TRIQK: variants seen among roughly 807,000 people sequenced by gnomAD.
The protein encoded by TRIQK is triple QxxK/R motif-containing protein.
TRIQK carries 10 observed loss-of-function variants against 10.8 expected under a neutral mutation model. The ratio of observed to expected loss-of-function variants is 0.92; its 90% CI spans 0.57 to 1.57. TRIQK has a LOEUF of 1.57. TRIQK is among the 40% of genes most tolerant of loss of function. TRIQK has a pLI of 0.00. For missense variants in TRIQK, 107 were observed against 97.7 expected (o/e 1.09, Z -0.40); for synonymous variants, 33 against 33.7 (o/e 0.98, Z 0.07).
At chr8:93,012,919 G>A (rs534725090) in intron 1 of TRIQK, among the ~76,000 whole-genome samples, 2 of 152,298 alleles carry the variant, frequency 1.3e-5, no homozygotes, top group Admixed American at 1.3e-4. Flanking sequence ...AAGGGCTGGG[G>A]CTCAGTGGTC....
chr8:92,999,220 A>C (rs1265156692), intron 1 of TRIQK, among the ~76,000 whole-genome samples: 2 of 152,172 alleles, frequency 1.3e-5, no homozygotes, highest in Non-Finnish European at 2.9e-5. Context: ...ATTGCTGTTT[A>C]TTAAACCTAT....
At chr8:92,965,287 T>G (rs1268858200) in intron 1 of TRIQK, 1 of 152,174 alleles carries the variant, frequency 6.6e-6, no homozygotes, top group Non-Finnish European at 1.5e-5. Context: ...AGAAGAAACC[T>G]AATCTCCAAT....
intron 3 of TRIQK, among the ~76,000 whole-genome samples, chr8:92,892,761 A>G (rs1816828857): frequency 6.6e-6 from 1 of 151,932 alleles, no homozygotes; most frequent in African/African-American, 2.4e-5. Context: ...AGTGCCACAA[A>G]ATTTCCTTTG....
chr8:92,895,995 G>A (rs988973856), intron 3 of TRIQK, among the ~76,000 whole-genome samples: 2 of 152,146 alleles, frequency 1.3e-5, no homozygotes, highest in African/African-American at 4.8e-5. Flanking sequence ...AGATTACTAG[G>A]GAGAGAAGGG....
At chr8:93,010,695 A>G (rs1273199027) in intron 1 of TRIQK, among the ~76,000 whole-genome samples, 1 of 152,154 alleles carries the variant, frequency 6.6e-6, no homozygotes, top group African/African-American at 2.4e-5. Flanking sequence ...ATATACAGAA[A>G]TTTATGAGTA....
At chr8:92,955,810 C>T (rs1165473205) in intron 1 of TRIQK, among the ~76,000 whole-genome samples, 3 of 151,658 alleles carry the variant, frequency 2.0e-5, no homozygotes, top group Non-Finnish European at 4.4e-5. Context: ...CCAAAAAGCA[C>T]ATGAAAAGAT....
At chr8:92,966,329 G>C (rs1427081531), upstream of TRIQK, among the ~76,000 whole-genome samples, 17 of 152,180 alleles carry the variant, frequency 1.1e-4, no homozygotes, top group Admixed American at 9.8e-4. Flanking sequence ...TAAAAATAAA[G>C]ACTGTGACTT....
intron 1 of TRIQK, among the ~76,000 whole-genome samples, chr8:93,005,546 A>G (rs955365705): frequency 1.3e-5 from 2 of 152,198 alleles, no homozygotes; most frequent in Admixed American, 1.3e-4. Flanking sequence ...AACAATAGGA[A>G]GGACAAAAAC....
upstream of TRIQK, among the ~76,000 whole-genome samples, chr8:92,967,072 G>T (rs1586515901): frequency 6.8e-6 from 1 of 147,880 alleles, no homozygotes; most frequent in South Asian, 2.1e-4. Flanking sequence ...GCCAGGAATT[G>T]AATCCAAAAT....
chr8:92,903,684 A>G (rs1809080220), intron 3 of TRIQK, among the ~76,000 whole-genome samples: 1 of 152,090 alleles, frequency 6.6e-6, no homozygotes, highest in Admixed American at 6.6e-5. Context: ...CTAGATCTAT[A>G]CTATTAATAA....
intron 2 of TRIQK, among the ~76,000 whole-genome samples, chr8:92,938,271 GAT>G (rs375914637): frequency 6.6e-5 from 10 of 150,548 alleles, no homozygotes; most frequent in Non-Finnish European, 1.2e-4. Context: ...TTTTAATTGA[GAT>G]ATATATATAT....
intron 4 of TRIQK, among the ~76,000 whole-genome samples, chr8:92,889,085 T>C (rs1311597129): frequency 1.3e-5 from 2 of 151,608 alleles, no homozygotes; most frequent in African/African-American, 2.4e-5. Context: ...ACACAAAAAA[T>C]AAAAAGTACC....
chr8:92,959,510 C>G (rs1428053840), intron 1 of TRIQK, among the ~76,000 whole-genome samples: 1 of 139,402 alleles, frequency 7.2e-6, no homozygotes, highest in African/African-American at 3.0e-5. Context: ...CACACACACA[C>G]ACACACACAC....
intron 1 of TRIQK, among the ~76,000 whole-genome samples, chr8:92,995,908 G>A (rs575971937): frequency 2.0e-5 from 3 of 152,078 alleles, no homozygotes; most frequent in Admixed American, 6.6e-5. Context: ...CAGGTTTCCC[G>A]GGATAGTCAT....
rs181963618 is a variant in TRIQK, at chr8:92,936,682, G to T, written c.-22+17724C>A. The stretch of plus-strand genomic sequence containing the variant: ...AGACAAAAGGGGAAAGAGCATAGGG[G>T]ATTGGAAAGGAAAAAGAAAACATTA... On this transcript the variant is annotated intron_variant, in intron 2 of 4. Coordinates refer to ENST00000521988, the MANE Select transcript of TRIQK (RefSeq NM_001171797.2). 3.4e-4 allele frequency among the ~76,000 whole-genome samples: 51 copies of T among 151,566 alleles called. No individual in the cohort carries two copies. In the East Asian group the frequency reaches 8.9e-3, roughly 26 times the overall value.
intron 1 of TRIQK, among the ~76,000 whole-genome samples, chr8:93,008,936 A>G (rs1313272840): frequency 6.6e-6 from 1 of 152,240 alleles, no homozygotes; most frequent in Non-Finnish European, 1.5e-5. Flanking sequence ...TTTCTTTTGA[A>G]TAAACAGGCA....
intron 2 of TRIQK, among the ~76,000 whole-genome samples, chr8:92,936,882 T>A (rs573820372): frequency 1.3e-5 from 2 of 151,860 alleles, no homozygotes; most frequent in Non-Finnish European, 3.0e-5. Flanking sequence ...ATAAATACTA[T>A]GGAATACCTC....
intron 2 of TRIQK, among the ~76,000 whole-genome samples, chr8:92,945,078 T>A (rs765265953): frequency 9.2e-5 from 14 of 152,200 alleles, no homozygotes; most frequent in African/African-American, 3.1e-4. Flanking sequence ...TTACATATGA[T>A]AAATAATTTT....
At position 92,885,873 on chromosome 8, in the gene TRIQK, TAC is replaced by T. The variant is rs1816449343; in HGVS notation, c.*747_*748del. ...CCTAACAAGAGGGGCGAACTGATACTACAAGCAGCCAGAACAACATAATTAGA... is the reference window on the plus strand; with the variant it reads ...CCTAACAAGAGGGGCGAACTGATACTAAGCAGCCAGAACAACATAATTAGA... On this transcript the variant is annotated 3_prime_UTR_variant, in exon 5 of 5. Transcript: ENST00000521988. 6.6e-6 allele frequency: 1 copy of T among 151,690 alleles called. No individual in the cohort carries two copies. Among genetic ancestry groups the T allele is most frequent in the South Asian group, 2.1e-4 (1 of 4,824 alleles). 9.4% of individuals were successfully genotyped at this position (151,690 alleles called of 1,614,324 possible). A position where few individuals can be genotyped will look rare whatever the true frequency, so the allele number is the denominator to read the frequency against.
Sources: allele counts gnomAD v4.1 joint callset (sites outside exome capture counted in the v4.1 genomes callset), GRCh38; gene constraint gnomAD v4.1.1; transcripts MANE v1.5; gene names NCBI Gene and HGNC (gene_info 2026-07-23, HGNC 2026-07-21).